The following ZCWPW2 variants were observed in gnomAD, a reference collection of about 807,000 sequenced individuals.
ZCWPW2 encodes zinc finger CW-type PWWP domain protein 2.
ZCWPW2 carries 45 observed loss-of-function variants against 46.6 expected under a neutral mutation model. The observed-to-expected ratio is 0.96, with a 90% CI of 0.76 to 1.24. The LOEUF (loss-of-function observed/expected upper bound fraction) is 1.24, where lower values mean the gene tolerates loss of function less well. Among genes scored for constraint, ZCWPW2 ranks in the 50% most tolerant of loss-of-function variants. ZCWPW2 has a pLI of 0.00. For missense variants in ZCWPW2, 429 were observed against 403.9 expected, an observed-to-expected ratio of 1.06 and a Z score of -0.53; for synonymous variants, 152 against 137.1, an observed-to-expected ratio of 1.11 and a Z score of -0.76.
At chr3:28,454,923 G>T (rs1230186889) in intron 4 of ZCWPW2, among the ~76,000 whole-genome samples, 1 of 152,082 alleles carries the variant, frequency 6.6e-6, no homozygotes, top group Non-Finnish European at 1.5e-5. Context: ...ATTTGCTATT[G>T]TGAATAGTGC....
Position 28,492,154 on chromosome 3 carries a change from C to T in ZCWPW2, c.638C>T (p.Ala213Val). 6.2e-7 allele frequency: 1 copy of T among 1,608,646 alleles called. No homozygotes were observed. The highest frequency in any genetic ancestry group is 8.5e-7 in the Non-Finnish European group (1 of 1,177,734). Residue 213 changes from alanine (A) to valine (V), a missense_variant, in exon 6 of 10, where the codon GCT (alanine) becomes GTT (valine). Coordinates refer to ENST00000383768, the MANE Select transcript of ZCWPW2 (RefSeq NM_001040432.4). ...QDKSETHDKV[A>V]ALVKKRKQTS... ...AAATCCGAAACACATGACAAAGTTG[C>T]TGCACTGGTCAAGAAAAGGGTAAGA...
rs1025304417 is a variant in ZCWPW2, at chr3:28,348,945, C to G, written c.-392C>G. 4 of 985,356 alleles carry G rather than the reference C, an allele frequency of 4.1e-6. No homozygotes were observed. Among genetic ancestry groups the G allele is most frequent in the East Asian group, 1.1e-4 (1 of 8,800 alleles). The allele number at this position is 985,356 out of a possible 1,614,324, so 61.0% of individuals were successfully genotyped here. On this transcript the variant is annotated 5_prime_UTR_variant, in exon 1 of 10. Transcript: ENST00000383768. ...ACGGGCCGGAGGGAGGGGAAGCACT[C>G]CGGAAAGTGATTGGAAGTGTGGATG...
chr3:28,443,223 G>A (rs1697839997), intron 4 of ZCWPW2, among the ~76,000 whole-genome samples: 1 of 152,152 alleles, frequency 6.6e-6, no homozygotes, highest in African/African-American at 2.4e-5. Flanking sequence ...CCAGTGTCTA[G>A]TAGTCCCTGA....
In ZCWPW2 at chr3:28,525,834, CT is replaced by C. The variant is rs1700833923; in HGVS notation, c.*1148del. Among the ~76,000 whole-genome samples the C allele has an allele frequency of 6.6e-6, 1 of 152,076 alleles. No individual in the cohort carries two copies. The highest frequency in any genetic ancestry group is 1.5e-5 in the Non-Finnish European group (1 of 67,992). On this transcript the variant is annotated 3_prime_UTR_variant, in exon 10 of 10. Coordinates refer to ENST00000383768, the MANE Select transcript of ZCWPW2 (RefSeq NM_001040432.4). ...AAAGTATGTATGTATTTCTGTCTTC[CT>C]TGTTTTCCTCATGTATTCCTTAGCA...
chr3:28,439,410 G>A (rs915402673), intron 4 of ZCWPW2, among the ~76,000 whole-genome samples: 4 of 151,886 alleles, frequency 2.6e-5, no homozygotes, highest in Non-Finnish European at 4.4e-5. Flanking sequence ...ATTAAATGGT[G>A]CCCACCCAAT....
intron 5 of ZCWPW2, among the ~76,000 whole-genome samples, chr3:28,481,220 T>A (rs2125806626): frequency 1.3e-5 from 2 of 152,010 alleles, no homozygotes; most frequent in African/African-American, 4.8e-5. Flanking sequence ...AAAAAGGAAA[T>A]GATTGCCACA....
chr3:28,420,063 C>T (rs9847645), intron 3 of ZCWPW2, among the ~76,000 whole-genome samples: 148,510 of 151,592 alleles, frequency 0.98, 72,758 homozygotes, highest in East Asian at 1. Flanking sequence ...ACCCTAATAC[C>T]GAAAGTATAA....
chr3:28,496,251 T>C (rs768419866), intron 6 of ZCWPW2, among the ~76,000 whole-genome samples: 1 of 152,062 alleles, frequency 6.6e-6, no homozygotes, highest in Non-Finnish European at 1.5e-5. Flanking sequence ...GCTTTTGTCT[T>C]AAAACTAAAT....
chr3:28,406,826 CTTTTTTTT>C (rs11337849), intron 2 of ZCWPW2, among the ~76,000 whole-genome samples: 9 of 119,984 alleles, frequency 7.5e-5, no homozygotes, highest in Non-Finnish European at 1.2e-4. Flanking sequence ...TCTTTTTTTT[CTTTTTTTT>C]TTTTTTTTTG....
chr3:28,438,654 G>A (rs1364659432), intron 4 of ZCWPW2, among the ~76,000 whole-genome samples: 1 of 152,070 alleles, frequency 6.6e-6, no homozygotes, highest in Non-Finnish European at 1.5e-5. Flanking sequence ...AAACAGGAAA[G>A]TATGGCTCAT....
chr3:28,508,782 C>T (rs1196675858), intron 6 of ZCWPW2, among the ~76,000 whole-genome samples: 1 of 152,178 alleles, frequency 6.6e-6, no homozygotes, highest in Non-Finnish European at 1.5e-5. Flanking sequence ...CCCACCTTGG[C>T]CTCCCAAAGT....
chr3:28,472,357 G>A (rs1279704892), intron 4 of ZCWPW2, among the ~76,000 whole-genome samples: 1 of 152,138 alleles, frequency 6.6e-6, no homozygotes, highest in Non-Finnish European at 1.5e-5. Flanking sequence ...AAAATGGTAT[G>A]GTATTGGCAT....
chr3:28,370,249 C>T (rs1018806905), intron 1 of ZCWPW2, among the ~76,000 whole-genome samples: 1 of 152,216 alleles, frequency 6.6e-6, no homozygotes, highest in African/African-American at 2.4e-5. Flanking sequence ...CTGCATCGCT[C>T]ACGCTGGGAA....
At chr3:28,447,855 T>C (rs1001083321) in intron 4 of ZCWPW2, 2 of 1,031,450 alleles carry the variant, frequency 1.9e-6, no homozygotes, top group South Asian at 2.5e-5. Flanking sequence ...GCACCAAATC[T>C]GCATGTGGTG....
intron 1 of ZCWPW2, among the ~76,000 whole-genome samples, chr3:28,381,884 G>A (rs1695119075): frequency 6.6e-6 from 1 of 152,118 alleles, no homozygotes; most frequent in Non-Finnish European, 1.5e-5. Flanking sequence ...CAGAAATTTG[G>A]CCAGGCGTGG....
intron 1 of ZCWPW2, among the ~76,000 whole-genome samples, chr3:28,350,305 T>G (rs932170961): frequency 9.9e-5 from 15 of 152,228 alleles, no homozygotes; most frequent in African/African-American, 3.4e-4. Flanking sequence ...TGTAGAAATA[T>G]TTTTGAATCT....
At chr3:28,509,448 A>G (rs536523964) in intron 6 of ZCWPW2, among the ~76,000 whole-genome samples, 2 of 152,276 alleles carry the variant, frequency 1.3e-5, no homozygotes, top group African/African-American at 4.8e-5. Context: ...CCCACCAGCA[A>G]TAAATAAAGA....
intron 1 of ZCWPW2, among the ~76,000 whole-genome samples, chr3:28,388,893 T>C (rs1021410815): frequency 3.3e-5 from 5 of 152,206 alleles, no homozygotes; most frequent in African/African-American, 1.2e-4. Context: ...GTGGTAATAC[T>C]GAGATGCCCT....
intron 1 of ZCWPW2, among the ~76,000 whole-genome samples, chr3:28,383,725 T>A (rs780831114): frequency 5.9e-5 from 9 of 152,100 alleles, no homozygotes; most frequent in Non-Finnish European, 1.2e-4. Context: ...TTCTAAAATT[T>A]TCATTAAAAG....
Sources: gnomAD v4.1 joint callset for allele counts (sites outside exome capture counted in the v4.1 genomes callset) on GRCh38, gnomAD v4.1.1 for gene constraint, MANE v1.5 for transcripts, NCBI Gene and HGNC (gene_info 2026-07-23, HGNC 2026-07-21) for gene names.